Variants in MRC1 observed in about 807,000 individuals in gnomAD.
MRC1 encodes mannose receptor C-type 1, also known as macrophage mannose receptor 1.
MRC1 carries 62 observed loss-of-function variants against 102.9 expected under a neutral mutation model. The ratio of observed to expected loss-of-function variants is 0.60; its 90% CI spans 0.49 to 0.74. The LOEUF (loss-of-function observed/expected upper bound fraction) is 0.74. Among genes scored for constraint, MRC1 ranks in the 30% least tolerant of loss-of-function variants. The pLI is 0.00. For synonymous variants in MRC1, 457 were observed against 298.4 expected (o/e 1.53, Z -5.48); for missense variants, 1,237 against 862.8 (o/e 1.43, Z -5.43).
At chr10:17,836,918 T>C (rs1225416724) in intron 4 of MRC1, among the ~76,000 whole-genome samples, 3 of 151,864 alleles carry the variant, frequency 2.0e-5, no homozygotes, top group Non-Finnish European at 2.9e-5. Context: ...TTTCAGTTGA[T>C]GTGTTTTTGG....
chr10:17,894,797 G>T (rs1833732789), intron 23 of MRC1, among the ~76,000 whole-genome samples: 1 of 152,066 alleles, frequency 6.6e-6, no homozygotes, highest in African/African-American at 2.4e-5. Flanking sequence ...GTGTTTTGCT[G>T]CACTTATCAA....
At chr10:17,846,495 C>T (rs1339006001) in intron 6 of MRC1, among the ~76,000 whole-genome samples, 1 of 152,100 alleles carries the variant, frequency 6.6e-6, no homozygotes, top group African/African-American at 2.4e-5. Context: ...TTAAAATACG[C>T]TTGACATAGC....
chr10:17,855,398 C>T (rs965645980), intron 8 of MRC1, among the ~76,000 whole-genome samples: 7 of 151,778 alleles, frequency 4.6e-5, no homozygotes, highest in African/African-American at 1.7e-4. Context: ...GGTGAAACCC[C>T]GTCTCTACTA....
intron 1 of MRC1, among the ~76,000 whole-genome samples, chr10:17,818,932 G>A (rs782483388): frequency 0.013 from 2,036 of 152,266 alleles, 52 homozygotes; most frequent in Middle Eastern, 0.078. Flanking sequence ...AAGGTGGTGT[G>A]GTTGGTGGTG....
intron 1 of MRC1, among the ~76,000 whole-genome samples, chr10:17,818,976 A>C (rs1375524606): frequency 5.3e-5 from 8 of 152,116 alleles, no homozygotes; most frequent in Non-Finnish European, 1.2e-4. Flanking sequence ...TTTCTAATAA[A>C]CAATGATATA....
chr10:17,868,136 A>G (rs1034499185), intron 12 of MRC1, among the ~76,000 whole-genome samples: 24 of 152,236 alleles, frequency 1.6e-4, no homozygotes, highest in Admixed American at 1.5e-3. Context: ...TCTCTCTTTT[A>G]TAAGTCACAT....
intron 19 of MRC1, 58 bp from the exon 20 acceptor site, chr10:17,880,467 A>T: frequency 1.3e-6 from 1 of 771,926 alleles, no homozygotes; most frequent in South Asian, 1.4e-5. Context: ...TATTTTTTAA[A>T]ATAATGTTTT....
intron 1 of MRC1, among the ~76,000 whole-genome samples, chr10:17,811,773 G>T (rs1554837457): frequency 6.6e-6 from 1 of 151,916 alleles, no homozygotes; most frequent in Non-Finnish European, 1.5e-5. Context: ...TTTTTGTAGA[G>T]ATGGGGTCTC....
chr10:17,874,363 C>T (rs938813370), intron 16 of MRC1, among the ~76,000 whole-genome samples: 106 of 152,308 alleles, frequency 7.0e-4, no homozygotes, highest in African/African-American at 2.5e-3. Flanking sequence ...CCAGTGATCA[C>T]ATTGCCTCCT....
At chr10:17,885,553 T>G in intron 22 of MRC1, 118 bp downstream of exon 22, 1 of 688,464 alleles carries the variant, frequency 1.5e-6, no homozygotes, top group Non-Finnish European at 2.7e-6. Flanking sequence ...TGTTCTATGC[T>G]TGCAGATTTT....
intron 3 of MRC1, among the ~76,000 whole-genome samples, chr10:17,832,151 A>C (rs1272029924): frequency 2.6e-5 from 4 of 151,564 alleles, no homozygotes; most frequent in African/African-American, 9.8e-5. Flanking sequence ...CCTGCTGACA[A>C]TCTTATGCTT....
chr10:17,898,074 T>A lies in MRC1; in HGVS notation c.3291T>A (p.Asp1097Glu). ...ATCCTCCAGCAACGATTCAAACAGA[T>A]GGCTTTGTTAAATATGGCAAAAGCA... is the stretch of plus-strand genomic sequence containing the variant. ...LTNPPATIQTDGFVKYGKSSY... is the reference protein window; with the variant it reads ...LTNPPATIQTEGFVKYGKSSY... Residue 1097 changes from aspartate to glutamate, a missense_variant, in exon 24 of 30, where the codon GAT becomes GAA. By Grantham distance (45) the Asp-to-Glu change is conservative (BLOSUM62 2). Transcript: ENST00000569591. 1.3e-6 allele frequency: 1 copy of A among 780,872 alleles called. No individual in the cohort carries two copies. The highest frequency in any genetic ancestry group is 1.3e-5 in the South Asian group (1 of 74,614). 48.4% of individuals were successfully genotyped at this position (780,872 alleles called of 1,614,324 possible).
Position 17,870,334 on chromosome 10 carries a change from A to C in MRC1, c.2072A>C (p.Asn691Thr). The C allele has an allele frequency of 3.8e-6, 3 of 780,526 alleles. No homozygotes were observed. The highest frequency in any genetic ancestry group is 2.4e-6 in the Non-Finnish European group (1 of 417,724). The allele number at this position is 780,526 out of a possible 1,614,324, so 48.4% of individuals were successfully genotyped here. A position where few individuals can be genotyped will look rare whatever the true frequency, so the allele number is the denominator to read the frequency against. The change falls in exon 13 of 30, where the codon AAT (asparagine) becomes ACT (threonine). Residue 691 changes from asparagine (N) to threonine (T), a missense_variant. Asn to Thr is a moderately conservative substitution (Grantham distance 65). Transcript: ENST00000569591. The part of the protein sequence containing the change: ...RALGGDLASI[N>T]NKEEQQTIWR... Reference sequence around the variant, plus strand: ...CTGGGTGGAGACTTAGCTAGCATCAATAACAAAGAGGAACAGCAAACAATA... The same window carrying C: ...CTGGGTGGAGACTTAGCTAGCATCACTAACAAAGAGGAACAGCAAACAATA...
At chr10:17,900,097 C>CAA (rs1156472499) in intron 24 of MRC1, among the ~76,000 whole-genome samples, 4,720 of 106,606 alleles carry the variant, frequency 0.044, 265 homozygotes, top group East Asian at 0.25. Flanking sequence ...AGACTTCTCT[C>CAA]AAAAAAAAAA....
chr10:17,813,939 T>C (rs1838266693), intron 1 of MRC1, among the ~76,000 whole-genome samples: 3 of 152,022 alleles, frequency 2.0e-5, no homozygotes, highest in Non-Finnish European at 4.4e-5. Context: ...GCTCAAGTGA[T>C]TTGCTCACCT....
At chr10:17,872,339 G>A (rs1033700082) in intron 15 of MRC1, among the ~76,000 whole-genome samples, 15 of 152,142 alleles carry the variant, frequency 9.9e-5, no homozygotes, top group African/African-American at 3.4e-4. Context: ...TGGGAGTTCT[G>A]GGCAAGAGTC....
At chr10:17,874,971 A>G (rs1195406429) in intron 16 of MRC1, 119 bp from the exon 17 acceptor site, 1 of 748,622 alleles carries the variant, frequency 1.3e-6, no homozygotes, top group Admixed American at 1.9e-5. Context: ...CTGGTCTCTC[A>G]GAGTTGCAGA....
In MRC1 at chr10:17,866,642, A is replaced by C. The variant is rs1833272053; in HGVS notation, c.1864A>C (p.Lys622Gln). 1 of 780,826 alleles carries C rather than the reference A, an allele frequency of 1.3e-6. No individual in the cohort carries two copies. The allele number at this position is 780,826 out of a possible 1,614,324, so 48.4% of individuals were successfully genotyped here. A position where few individuals can be genotyped will look rare whatever the true frequency, so the allele number is the denominator to read the frequency against. The change falls in exon 12 of 30, where the codon AAA becomes CAA. Residue 622 changes from lysine (K) to glutamine (Q), a missense_variant. By Grantham distance (53) the Lys-to-Gln change is moderately conservative. Transcript: ENST00000569591. The part of the protein sequence containing the change: ...WDVLKCDEKA[K>Q]FVCKHWAEGV... ...TGTTTTGAAATGTGATGAAAAGGCA[A>C]AATTTGTGTGCAAGCACTGGGCAGA...
Position 17,908,673 on chromosome 10 carries a change from A to T in MRC1, c.4079-633A>T, listed in dbSNP as rs1266797500. Among the ~76,000 whole-genome samples, 6 of 152,076 alleles carry T rather than the reference A, an allele frequency of 3.9e-5. No homozygotes were observed. The East Asian group carries it at 9.6e-4, about 24-fold the overall frequency. On this transcript the variant is annotated intron_variant, in intron 28 of 29. Transcript: ENST00000569591. ...AACCTCCACCTCCTGGGTTCAAGCC[A>T]TTCTCCTGCCTCAGCCTCCCAAGTA...
Sources: allele counts gnomAD v4.1 joint callset (sites outside exome capture counted in the v4.1 genomes callset), GRCh38; gene constraint gnomAD v4.1.1; transcripts MANE v1.5; gene names NCBI Gene and HGNC (gene_info 2026-07-23, HGNC 2026-07-21).